The following ZNF385B variants were observed in gnomAD, a reference collection of about 807,000 sequenced individuals.
ZNF385B encodes the protein zinc finger protein 533.
In ZNF385B, 23 loss-of-function variants were observed where a neutral mutation model predicts 39.2. The ratio of observed to expected loss-of-function variants is 0.59; its 90% CI spans 0.42 to 0.83. ZNF385B has a LOEUF of 0.83. ZNF385B is among the 40% of genes least tolerant of loss of function. The probability of loss-of-function intolerance (pLI) is 0.00; values close to 1 mark genes in which losing one functional copy is unlikely to be tolerated. For missense variants in ZNF385B, 552 were observed against 598.9 expected, an observed-to-expected ratio of 0.92 and a Z score of 0.82; for synonymous variants, 205 against 222.6, an observed-to-expected ratio of 0.92 and a Z score of 0.70.
chr2:179,491,066 T>C lies in ZNF385B; in HGVS notation c.553-7632A>G, dbSNP rs888762819. Among the ~76,000 whole-genome samples, 3 of 152,176 alleles carry C rather than the reference T, an allele frequency of 2.0e-5. No homozygotes were observed. In the East Asian group the frequency reaches 5.8e-4, roughly 29 times the overall value. ...TTCTATGAATGAATACTGTAAATTA[T>C]AGACATTTTATTTTTAAAAAGATTT... On this transcript the variant is annotated intron_variant, in intron 5 of 9. Transcript: ENST00000410066.
At chr2:179,729,547 T>G (rs886445412) in intron 3 of ZNF385B, among the ~76,000 whole-genome samples, 2 of 152,248 alleles carry the variant, frequency 1.3e-5, no homozygotes, top group African/African-American at 2.4e-5. Flanking sequence ...GGTCTTGTTC[T>G]TACATTTCAA....
At position 179,781,933 on chromosome 2, in the gene ZNF385B, A is replaced by G. The variant is rs144525042; in HGVS notation, c.-154-11261T>C. ...AAGAGCTGGTACAATTCCTATAGAA[A>G]CTATTCCAAAAAATTGAGGAGGAGA... On this transcript the variant is annotated intron_variant, in intron 1 of 9. Transcript: ENST00000410066. Among the ~76,000 whole-genome samples the G allele has an allele frequency of 6.5e-3, 990 of 152,250 alleles. 13 individuals carry two copies. The highest frequency in any genetic ancestry group is 0.023 in the African/African-American group (946 of 41,556).
intron 3 of ZNF385B, among the ~76,000 whole-genome samples, chr2:179,564,914 C>T (rs1424432333): frequency 3.9e-5 from 6 of 152,154 alleles, no homozygotes; most frequent in African/African-American, 1.4e-4. Context: ...TTCTTCTCTG[C>T]TGGTCTTTAC....
intron 4 of ZNF385B, among the ~76,000 whole-genome samples, chr2:179,528,148 T>C (rs1024412188): frequency 3.3e-5 from 5 of 152,206 alleles, no homozygotes; most frequent in African/African-American, 1.2e-4. Context: ...ATACAAGTGG[T>C]AAAACCTGTA....
At chr2:179,742,267 T>C (rs1425483990) in intron 3 of ZNF385B, among the ~76,000 whole-genome samples, 1 of 152,062 alleles carries the variant, frequency 6.6e-6, no homozygotes, top group Non-Finnish European at 1.5e-5. Flanking sequence ...GCATAAACCC[T>C]AACAGTTAAA....
At chr2:179,555,878 G>T (rs529771947) in intron 3 of ZNF385B, among the ~76,000 whole-genome samples, 1 of 148,794 alleles carries the variant, frequency 6.7e-6, no homozygotes, top group Admixed American at 6.7e-5. Context: ...AAAGAGCTCC[G>T]ACAGCAGCCA....
chr2:179,726,402 A>C (rs939590239), intron 3 of ZNF385B, among the ~76,000 whole-genome samples: 4 of 152,044 alleles, frequency 2.6e-5, no homozygotes, highest in Non-Finnish European at 5.9e-5. Flanking sequence ...GTTTGGAATC[A>C]CATGTCCTCA....
At chr2:179,584,090 T>C in intron 3 of ZNF385B, 1 of 502,972 alleles carries the variant, frequency 2.0e-6, no homozygotes, top group Non-Finnish European at 3.8e-6. Flanking sequence ...GAAAAATAAG[T>C]AGGTAATTAC....
At chr2:179,571,290 T>C (rs899869974) in intron 3 of ZNF385B, among the ~76,000 whole-genome samples, 1 of 152,218 alleles carries the variant, frequency 6.6e-6, no homozygotes, top group African/African-American at 2.4e-5. Context: ...ACAACAGTTA[T>C]GGACAATAAG....
At position 179,561,613 on chromosome 2, in the gene ZNF385B, G is replaced by A. The variant is rs569931788; in HGVS notation, c.299-16644C>T. On this transcript the variant is annotated intron_variant, in intron 3 of 9. Transcript: ENST00000410066. ...TATATTTATCCATGTTTTACAAATGGCAAAATTGAAAAAAAAAAAGGTGGG... is the reference window on the plus strand; with the variant it reads ...TATATTTATCCATGTTTTACAAATGACAAAATTGAAAAAAAAAAAGGTGGG... 5.4e-5 allele frequency among the ~76,000 whole-genome samples: 7 copies of A among 130,202 alleles called. No homozygotes were observed. In the South Asian group the frequency reaches 1.4e-3, roughly 27 times the overall value. The allele number at this position is 130,202 out of a possible 152,430, so 85.4% of individuals were successfully genotyped here. A position where few individuals can be genotyped will look rare whatever the true frequency, so the allele number is the denominator to read the frequency against.
intron 3 of ZNF385B, among the ~76,000 whole-genome samples, chr2:179,594,073 A>C (rs1420112780): frequency 6.6e-6 from 1 of 152,202 alleles, no homozygotes; most frequent in African/African-American, 2.4e-5. Context: ...GACCAAGGAA[A>C]GCAAAATCAG....
intron 6 of ZNF385B, among the ~76,000 whole-genome samples, chr2:179,475,253 T>A (rs2053276848): frequency 9.8e-6 from 1 of 101,838 alleles, no homozygotes; most frequent in African/African-American, 3.3e-5. Flanking sequence ...ATCGCACAAT[T>A]TTTTTTTTTT....
chr2:179,761,563 T>C (rs940202594), intron 3 of ZNF385B, among the ~76,000 whole-genome samples: 9 of 151,674 alleles, frequency 5.9e-5, no homozygotes, highest in East Asian at 1.9e-4. Flanking sequence ...ATTTTTAGTA[T>C]ATAAATATAA....
chr2:179,733,610 G>A (rs1414294579), intron 3 of ZNF385B, among the ~76,000 whole-genome samples: 1 of 151,952 alleles, frequency 6.6e-6, no homozygotes, highest in Admixed American at 6.6e-5. Flanking sequence ...GTGAAACCCC[G>A]TCTCTACTAA....
intron 6 of ZNF385B, among the ~76,000 whole-genome samples, chr2:179,459,713 T>C (rs1444298306): frequency 1.3e-5 from 2 of 151,052 alleles, no homozygotes; most frequent in East Asian, 3.9e-4. Context: ...ATGTGCATTA[T>C]AATAATAAAT....
chr2:179,755,338 T>A lies in ZNF385B; in HGVS notation c.298+14165A>T, dbSNP rs547564425. 8.6e-5 allele frequency among the ~76,000 whole-genome samples: 13 copies of A among 151,510 alleles called. No homozygotes were observed. The South Asian group carries it at 2.5e-3, about 29-fold the overall frequency. On this transcript the variant is annotated intron_variant, in intron 3 of 9. Coordinates refer to ENST00000410066, the MANE Select transcript of ZNF385B (RefSeq NM_152520.6). ...CTGTTCTTTTACATTTGCTGAGGAG[T>A]GCTTTACTTCCAACTATGTGGTCAA...
rs903209316 is a variant in ZNF385B, at chr2:179,700,446, G to T, written c.298+69057C>A. On this transcript the variant is annotated intron_variant, in intron 3 of 9. Transcript: ENST00000410066. ...CCAAACTGCCACATCAATATGCTAT[G>T]TGCCAGGGGCTCCCTGGTCTTGAGT... Among the ~76,000 whole-genome samples, 6 of 150,520 alleles carry T rather than the reference G, an allele frequency of 4.0e-5. No homozygotes were observed. The Admixed American group carries it at 4.0e-4, about 10-fold the overall frequency.
intron 1 of ZNF385B, among the ~76,000 whole-genome samples, chr2:179,801,942 T>C (rs1706061149): frequency 6.6e-6 from 1 of 152,182 alleles, no homozygotes; most frequent in South Asian, 2.1e-4. Flanking sequence ...AACCAAATTG[T>C]AGTTAAGATG....
chr2:179,577,387 A>G (rs1356068), intron 3 of ZNF385B, among the ~76,000 whole-genome samples: 149,035 of 152,218 alleles, frequency 0.98, 73,041 homozygotes, highest in East Asian at 1. Context: ...TAAATCTCAC[A>G]CTGAAACATA....
Sources: gnomAD v4.1 joint callset for allele counts (sites outside exome capture counted in the v4.1 genomes callset) on GRCh38, gnomAD v4.1.1 for gene constraint, MANE v1.5 for transcripts, NCBI Gene and HGNC (gene_info 2026-07-23, HGNC 2026-07-21) for gene names.